Variants in CSNK1G1 observed in about 807,000 individuals in gnomAD.
The protein encoded by CSNK1G1 is casein kinase 1 gamma 1, also known as casein kinase I isoform gamma-1.
Under a neutral mutation model 59.6 loss-of-function variants are expected in CSNK1G1, and 22 were observed. The ratio of observed to expected loss-of-function variants is 0.37; its 90% CI spans 0.26 to 0.53. The LOEUF (loss-of-function observed/expected upper bound fraction) is 0.53. Ranked by LOEUF, CSNK1G1 falls within the 20% of genes least tolerant of loss-of-function variation. The pLI is 0.89. For missense variants in CSNK1G1, 384 were observed against 519.5 expected, an observed-to-expected ratio of 0.74 and a Z score of 2.54; for synonymous variants, 179 against 177.1, an observed-to-expected ratio of 1.01 and a Z score of -0.08.
At chr15:64,219,730 A>T (rs1205920468) in intron 4 of CSNK1G1, among the ~76,000 whole-genome samples, 1 of 150,196 alleles carries the variant, frequency 6.7e-6, no homozygotes, top group Non-Finnish European at 1.5e-5. Flanking sequence ...AAGTGCTAAG[A>T]TTACAGGGAT....
At chr15:64,346,212 T>C (rs960147964) in intron 1 of CSNK1G1, among the ~76,000 whole-genome samples, 1 of 151,426 alleles carries the variant, frequency 6.6e-6, no homozygotes, top group African/African-American at 2.4e-5. Context: ...TGAGACCTCA[T>C]CTCTGTTTAT....
intron 10 of CSNK1G1, among the ~76,000 whole-genome samples, chr15:64,193,029 A>G (rs118011846): frequency 0.019 from 2,890 of 152,268 alleles, 35 homozygotes; most frequent in Non-Finnish European, 0.029. Context: ...AAGTCTTCTC[A>G]GCCTCATTAA....
At chr15:64,180,524 G>A (rs776326228) in intron 10 of CSNK1G1, 70 bp from the exon 11 acceptor site, 29 of 1,272,872 alleles carry the variant, frequency 2.3e-5, no homozygotes, top group Non-Finnish European at 3.2e-5. Flanking sequence ...CGCCAGACAG[G>A]GTCGCTAAAC....
Position 64,319,285 on chromosome 15 carries a change from G to C in CSNK1G1, c.-224-18562C>G, listed in dbSNP as rs547251344. 1.2e-3 allele frequency among the ~76,000 whole-genome samples: 187 copies of C among 152,264 alleles called. 2 individuals carry two copies. The highest frequency in any genetic ancestry group is 8.9e-3 in the South Asian group (43 of 4,824). ...TCCAGAGTCTCACATGTTAGACTTT[G>C]AGCTGGTTTCTCACTACTTAATAAA... On this transcript the variant is annotated intron_variant, in intron 1 of 11. Transcript: ENST00000303052.
At chr15:64,309,680 C>T (rs1282909367) in intron 1 of CSNK1G1, among the ~76,000 whole-genome samples, 2 of 152,128 alleles carry the variant, frequency 1.3e-5, no homozygotes, top group Admixed American at 1.3e-4. Flanking sequence ...TGAGGTATAT[C>T]CTGCCCTAAT....
chr15:64,229,307 C>T (rs1425232069), intron 4 of CSNK1G1, among the ~76,000 whole-genome samples: 1 of 152,048 alleles, frequency 6.6e-6, no homozygotes, highest in Non-Finnish European at 1.5e-5. Context: ...TGGAAAGTAC[C>T]ATTTCCCCAG....
At chr15:64,273,875 G>A (rs969377749) in intron 2 of CSNK1G1, among the ~76,000 whole-genome samples, 11 of 152,184 alleles carry the variant, frequency 7.2e-5, no homozygotes, top group Admixed American at 2.6e-4. Flanking sequence ...CTTAATTAGC[G>A]GAGAACAGAC....
chr15:64,248,622 T>C (rs545392651), intron 4 of CSNK1G1, among the ~76,000 whole-genome samples: 3 of 152,148 alleles, frequency 2.0e-5, no homozygotes, highest in Non-Finnish European at 4.4e-5. Context: ...TAATCATCAA[T>C]AGGATAATAT....
intron 1 of CSNK1G1, among the ~76,000 whole-genome samples, chr15:64,306,449 T>C (rs1207508496): frequency 2.0e-5 from 3 of 152,152 alleles, no homozygotes; most frequent in Non-Finnish European, 2.9e-5. Context: ...ACTATACACT[T>C]ATTAGAATAG....
chr15:64,178,216 T>A (rs150418516), intron 11 of CSNK1G1, among the ~76,000 whole-genome samples: 71 of 152,320 alleles, frequency 4.7e-4, no homozygotes, highest in African/African-American at 1.7e-3. Context: ...TAATTTTGTA[T>A]GGAAATCGAA....
chr15:64,324,913 T>G lies in CSNK1G1; in HGVS notation c.-224-24190A>C, dbSNP rs909580270. Among the ~76,000 whole-genome samples the G allele has an allele frequency of 4.6e-5, 7 of 152,340 alleles. No individual in the cohort carries two copies. In the East Asian group the frequency reaches 1.3e-3, roughly 29 times the overall value. On this transcript the variant is annotated intron_variant, in intron 1 of 11. Transcript: ENST00000303052. ...CTTTTAGGGAATAAGTACATTTTCA[T>G]GTAAAATATTCAAGTTTTGAATACA... is the stretch of plus-strand genomic sequence containing the variant.
At chr15:64,306,202 G>T (rs909900642) in intron 1 of CSNK1G1, among the ~76,000 whole-genome samples, 1 of 152,112 alleles carries the variant, frequency 6.6e-6, no homozygotes, top group African/African-American at 2.4e-5. Context: ...AGAATGAAAA[G>T]ATAAGCCACT....
At chr15:64,281,809 AAAAAAG>A (rs1370245100) in intron 2 of CSNK1G1, among the ~76,000 whole-genome samples, 2 of 151,970 alleles carry the variant, frequency 1.3e-5, no homozygotes, top group African/African-American at 2.4e-5. Context: ...CGAGAAAAAA[AAAAAAG>A]AAAAGAAAAA....
At chr15:64,239,764 T>C (rs1036294404) in intron 4 of CSNK1G1, among the ~76,000 whole-genome samples, 5 of 152,116 alleles carry the variant, frequency 3.3e-5, no homozygotes, top group African/African-American at 9.7e-5. Context: ...TAATTCATGA[T>C]ATAAACTAGA....
chr15:64,224,669 G>A (rs2082433099), intron 4 of CSNK1G1, among the ~76,000 whole-genome samples: 1 of 152,152 alleles, frequency 6.6e-6, no homozygotes, highest in Non-Finnish European at 1.5e-5. Flanking sequence ...GGATTACTTT[G>A]TCTGTCCTGT....
At position 64,313,749 on chromosome 15, in the gene CSNK1G1, T is replaced by C. The variant is rs181181528; in HGVS notation, c.-224-13026A>G. 3.7e-3 allele frequency among the ~76,000 whole-genome samples: 500 copies of C among 134,964 alleles called. 1 individual carries two copies. The highest frequency in any genetic ancestry group is 5.1e-3 in the Non-Finnish European group (324 of 63,622). The allele number at this position is 134,964 out of a possible 152,430, so 88.5% of individuals were successfully genotyped here. A position where few individuals can be genotyped will look rare whatever the true frequency, so the allele number is the denominator to read the frequency against. On this transcript the variant is annotated intron_variant, in intron 1 of 11. Coordinates refer to ENST00000303052, the MANE Select transcript of CSNK1G1 (RefSeq NM_022048.5). ...AGGTACCCCAGAACTTAAAGTATAA[T>C]AATAATTTTTTAAAAGTAAGAAAAA...
At chr15:64,247,792 G>A (rs1891836462) in intron 4 of CSNK1G1, among the ~76,000 whole-genome samples, 1 of 152,146 alleles carries the variant, frequency 6.6e-6, no homozygotes, top group South Asian at 2.1e-4. Flanking sequence ...ATAGTCCCAG[G>A]ACAACAAAAA....
At chr15:64,257,905 T>C (rs895323706) in intron 3 of CSNK1G1, among the ~76,000 whole-genome samples, 1 of 152,132 alleles carries the variant, frequency 6.6e-6, no homozygotes, top group Non-Finnish European at 1.5e-5. Flanking sequence ...CTCCCATCTA[T>C]CCAACAAGAG....
intron 1 of CSNK1G1, among the ~76,000 whole-genome samples, chr15:64,317,450 T>G (rs145779242): frequency 6.6e-6 from 1 of 152,280 alleles, no homozygotes; most frequent in African/African-American, 2.4e-5. Flanking sequence ...TAAATCCTAT[T>G]GTGAAGGTTT....
Sources: gnomAD v4.1 joint callset for allele counts (sites outside exome capture counted in the v4.1 genomes callset) on GRCh38, gnomAD v4.1.1 for gene constraint, MANE v1.5 for transcripts, NCBI Gene and HGNC (gene_info 2026-07-23, HGNC 2026-07-21) for gene names.